The following HSPA8 variants were observed in gnomAD, a reference collection of about 807,000 sequenced individuals.
HSPA8 encodes heat shock cognate 71 kDa protein.
Under a neutral mutation model 52.8 loss-of-function variants are expected in HSPA8, and 2 were observed. That is an observed-to-expected ratio of 0.04 (90% CI 0.02 to 0.12). The LOEUF (loss-of-function observed/expected upper bound fraction) is 0.12, where lower values mean the gene tolerates loss of function less well. Among genes scored for constraint, HSPA8 ranks in the 10% least tolerant of loss-of-function variants. The pLI is 1.00. For missense variants in HSPA8, 349 were observed against 800.5 expected, an observed-to-expected ratio of 0.44 and a Z score of 6.81; for synonymous variants, 436 against 274.0, an observed-to-expected ratio of 1.59 and a Z score of -5.84.
At position 123,062,109 on chromosome 11, in the gene HSPA8, C is replaced by G. The variant is rs2276077; in HGVS notation, c.-51G>C. 3.3e-5 allele frequency: 5 copies of G among 152,866 alleles called. No individual in the cohort carries two copies. The highest frequency in any genetic ancestry group is 7.2e-5 in the African/African-American group (3 of 41,432). 9.5% of individuals were successfully genotyped at this position (152,866 alleles called of 1,614,324 possible). On this transcript the variant is annotated 5_prime_UTR_variant, in exon 1 of 9. Transcript: ENST00000534624. ...CAATAACGAAGGAAGCCACAAAAAACCCAAGAGCTGCAGGCGAGTTCAATG... is the reference window on the plus strand; with the variant it reads ...CAATAACGAAGGAAGCCACAAAAAAGCCAAGAGCTGCAGGCGAGTTCAATG...
chr11:123,060,641 A>C lies in HSPA8; in HGVS notation c.363T>G (p.Ser121=), dbSNP rs1437916229. 6.2e-7 allele frequency: 1 copy of C among 1,613,750 alleles called. No individual in the cohort carries two copies. The highest frequency in any genetic ancestry group is 8.5e-7 in the Non-Finnish European group (1 of 1,179,856). Reference sequence around the variant, plus strand: ...TTTCCTTCATCTTTGTCAGAACCATAGAAGACACCTCCTCTGGATAGAAGC... The same window carrying C: ...TTTCCTTCATCTTTGTCAGAACCATCGAAGACACCTCCTCTGGATAGAAGC... ...TKSFYPEEVS[S]MVLTKMKEIA... Residue 121 remains serine (S), a synonymous_variant, in exon 3 of 9, where the codon TCT becomes TCG. Coordinates refer to ENST00000534624, the MANE Select transcript of HSPA8 (RefSeq NM_006597.6).
intron 1 of HSPA8, chr11:123,061,714 C>G (rs1375522581): frequency 3.8e-6 from 1 of 266,462 alleles, no homozygotes; most frequent in African/African-American, 2.2e-5. Context: ...TCTGAAGAAC[C>G]ACGGTGGGAC....
Position 123,059,459 on chromosome 11 carries a change from G to A in HSPA8, c.1120+14C>T. On this transcript the variant is annotated intron_variant, in intron 5 of 8. Transcript: ENST00000534624. ...CCTGCCTGCCTTTAGGGTTAATTGA[G>A]ATACCATTGTTACCTGCACCATAAG... 2 of 1,604,018 alleles carry A rather than the reference G, an allele frequency of 1.2e-6. No homozygotes were observed. The highest frequency in any genetic ancestry group is 1.7e-6 in the Non-Finnish European group (2 of 1,173,540).
intron 1 of HSPA8, chr11:123,061,682 C>G (rs781131205): frequency 6.3e-6 from 2 of 316,354 alleles, no homozygotes; most frequent in Non-Finnish European, 6.1e-6. Flanking sequence ...TACCCCCATA[C>G]TGGAAGCACG....
Position 123,060,373 on chromosome 11 carries a change from CCCA to C in HSPA8, c.412-108_412-106del. On this transcript the variant is annotated intron_variant, in intron 3 of 8. Coordinates refer to ENST00000534624, the MANE Select transcript of HSPA8 (RefSeq NM_006597.6). Reference sequence around the variant, plus strand: ...GTGAAAGAACAGCTGGAGCACCCCCCCCACCAAAATGTAAATTACTGTGTAATT... The same window carrying C: ...GTGAAAGAACAGCTGGAGCACCCCCCCCAAAATGTAAATTACTGTGTAATT... 6.1e-6 allele frequency: 7 copies of C among 1,145,598 alleles called. 1 individual carries two copies. In the South Asian group the frequency reaches 9.5e-5, roughly 16 times the overall value. The allele number at this position is 1,145,598 out of a possible 1,614,324, so 71.0% of individuals were successfully genotyped here.
In HSPA8 at chr11:123,060,287, CCACAGAT is replaced by C. The variant is rs1314073325; in HGVS notation, c.412-26_412-20del. 6.2e-7 allele frequency: 1 copy of C among 1,609,960 alleles called. No individual in the cohort carries two copies. The highest frequency in any genetic ancestry group is 2.2e-5 in the East Asian group (1 of 44,884). ...TAACAGTCTAGGAATAAGGAAAAGA[CCACAGAT>C]TGGTAACTATTATACTTACATATAT... On this transcript the variant is annotated intron_variant, in intron 3 of 8. Coordinates refer to ENST00000534624, the MANE Select transcript of HSPA8 (RefSeq NM_006597.6).
In HSPA8 at chr11:123,058,441, A is replaced by G. The variant is rs1294270024; in HGVS notation, c.1566T>C (p.Ala522=). The part of the protein sequence containing the change: ...KEDIERMVQE[A]EKYKAEDEKQ... Reference sequence around the variant, plus strand: ...TCTCATCTTCAGCTTTGTACTTCTCAGCTTCCTGGACCATACGTTCAATGT... The same window carrying G: ...TCTCATCTTCAGCTTTGTACTTCTCGGCTTCCTGGACCATACGTTCAATGT... Residue 522 remains alanine, a synonymous_variant, in exon 8 of 9, where the codon GCT becomes GCC. Transcript: ENST00000534624. The G allele has an allele frequency of 6.2e-7, 1 of 1,614,088 alleles. No individual in the cohort carries two copies. The highest frequency in any genetic ancestry group is 1.7e-5 in the Admixed American group (1 of 60,014).
At chr11:123,060,835 A>G in intron 2 of HSPA8, 37 bp from the exon 3 acceptor site, 1 of 1,564,334 alleles carries the variant, frequency 6.4e-7, no homozygotes. Flanking sequence ...TTTCAATTTC[A>G]TAGCTCTTCT....
chr11:123,059,738 A>G lies in HSPA8; in HGVS notation c.855T>C (p.Asp285=). The G allele has an allele frequency of 6.2e-7, 1 of 1,613,938 alleles. No individual in the cohort carries two copies. Among genetic ancestry groups the G allele is most frequent in the Non-Finnish European group, 8.5e-7 (1 of 1,179,868 alleles). ...AGAAGTCGATTCCTTCATAGAGAGA[A>G]TCGATCTCAATACTGGCCTGGGTGC... ...SSSTQASIEI[D]SLYEGIDFYT... is the part of the protein sequence containing the mutation. The change falls in exon 5 of 9, where the codon GAT becomes GAC. Residue 285 remains aspartate, a synonymous_variant. Transcript: ENST00000534624.
rs769966077 is a variant in HSPA8, at chr11:123,057,703, T to A, written c.*31A>T. The A allele has an allele frequency of 6.4e-7, 1 of 1,552,546 alleles. No individual in the cohort carries two copies. Among genetic ancestry groups the A allele is most frequent in the African/African-American group, 1.4e-5 (1 of 72,446 alleles). ...AGGTCCTTCAAATGTTTTAAATGTGTGGAACAATGCTACATCTACACTTGG... is the reference window on the plus strand; with the variant it reads ...AGGTCCTTCAAATGTTTTAAATGTGAGGAACAATGCTACATCTACACTTGG... On this transcript the variant is annotated 3_prime_UTR_variant, in exon 9 of 9. Transcript: ENST00000534624.
chr11:123,061,635 C>A, intron 1 of HSPA8: 1 of 428,612 alleles, frequency 2.3e-6, no homozygotes, highest in South Asian at 2.3e-5. Context: ...GTGCCAGTGC[C>A]CCCGGGAGTC....
chr11:123,059,614 C>T lies in HSPA8; in HGVS notation c.979G>A (p.Asp327Asn). 6.2e-7 allele frequency: 1 copy of T among 1,614,152 alleles called. No homozygotes were observed. The highest frequency in any genetic ancestry group is 8.5e-7 in the Non-Finnish European group (1 of 1,180,016). The change falls in exon 5 of 9, where the codon GAC becomes AAC. Residue 327 changes from aspartate (D) to asparagine (N), a missense_variant. By Grantham distance (23) the Asp-to-Asn change is conservative. Coordinates refer to ENST00000534624, the MANE Select transcript of HSPA8 (RefSeq NM_006597.6). ...VEKALRDAKLDKSQIHDIVLV... is the reference protein window; with the variant it reads ...VEKALRDAKLNKSQIHDIVLV... Reference sequence around the variant, plus strand: ...ACAATATCATGAATCTGTGACTTGTCTAGTTTGGCATCTCGAAGGGCTTTC... The same window carrying T: ...ACAATATCATGAATCTGTGACTTGTTTAGTTTGGCATCTCGAAGGGCTTTC...
chr11:123,057,708 C>T lies in HSPA8; in HGVS notation c.*26G>A. The T allele has an allele frequency of 2.6e-6, 4 of 1,566,986 alleles. No individual in the cohort carries two copies. The highest frequency in any genetic ancestry group is 3.5e-6 in the Non-Finnish European group (4 of 1,156,794). On this transcript the variant is annotated 3_prime_UTR_variant, in exon 9 of 9. Transcript: ENST00000534624. Reference sequence around the variant, plus strand: ...CTTCAAATGTTTTAAATGTGTGGAACAATGCTACATCTACACTTGGTTGGC... The same window carrying T: ...CTTCAAATGTTTTAAATGTGTGGAATAATGCTACATCTACACTTGGTTGGC...
intron 2 of HSPA8, 115 bp from the exon 3 acceptor site, chr11:123,060,913 A>AT: frequency 1.0e-6 from 1 of 997,352 alleles, no homozygotes; most frequent in African/African-American, 1.6e-5. Flanking sequence ...CAACTACCAT[A>AT]TAGGTAGCAA....
intron 7 of HSPA8, 24 bp downstream of exon 7, chr11:123,058,608 G>A: frequency 1.9e-6 from 3 of 1,596,890 alleles, no homozygotes; most frequent in Non-Finnish European, 2.6e-6. Flanking sequence ...TCCCTGTCAA[G>A]ACCAGATGAC....
chr11:123,058,158 G>GTGACC, intron 8 of HSPA8, 94 bp downstream of exon 8: 1 of 858,944 alleles, frequency 1.2e-6, no homozygotes, highest in Non-Finnish European at 1.9e-6. Context: ...ATTCATCATT[G>GTGACC]TGACCCTACA....
rs145810402 is a variant in HSPA8 at position 123,059,296 on chromosome 11, A to G, written c.1121-35T>C. On this transcript the variant is annotated intron_variant, in intron 5 of 8. Transcript: ENST00000534624. ...AAAAAGTTAACGTTAAAAGAAGTTA[A>G]AAGAAAACCCAGTACATAGCTCCTG... is the stretch of plus-strand genomic sequence containing the variant. The G allele has an allele frequency of 2.5e-4, 391 of 1,576,032 alleles. 4 individuals carry two copies. In the East Asian group the frequency reaches 3.0e-3, roughly 12 times the overall value.
In HSPA8 at chr11:123,061,116, T is replaced by C; in HGVS notation, c.205+4A>G. On this transcript the variant is annotated splice_donor_region_variant and intron_variant, in intron 2 of 8. Transcript: ENST00000534624. Reference sequence around the variant, plus strand: ...TGTTCTGTCATTTAAAATTAGGAACTCACCAAAAACTGTGTTGGTGGGGTT... The same window carrying C: ...TGTTCTGTCATTTAAAATTAGGAACCCACCAAAAACTGTGTTGGTGGGGTT... The C allele has an allele frequency of 6.2e-7, 1 of 1,610,600 alleles. No homozygotes were observed. Among genetic ancestry groups the C allele is most frequent in the South Asian group, 1.1e-5 (1 of 90,996 alleles).
At chr11:123,058,165 T>C (rs1865367082) in intron 8 of HSPA8, 87 bp downstream of exon 8, 2 of 898,604 alleles carry the variant, frequency 2.2e-6, no homozygotes, top group African/African-American at 1.7e-5. Flanking sequence ...ATTGTGACCC[T>C]ACACTGAAAT....
Sources: allele counts gnomAD v4.1 joint callset, GRCh38; gene constraint gnomAD v4.1.1; transcripts MANE v1.5; gene names NCBI Gene and HGNC (gene_info 2026-07-23, HGNC 2026-07-21).